The following MAGI2 variants were observed in gnomAD, a reference collection of about 807,000 sequenced individuals.
MAGI2 encodes membrane-associated guanylate kinase, WW and PDZ domain-containing protein 2.
In MAGI2, 35 loss-of-function variants were observed where a neutral mutation model predicts 133.3. That is an observed-to-expected ratio of 0.26 (90% CI 0.20 to 0.35). MAGI2 has a LOEUF of 0.35. Among genes scored for constraint, MAGI2 ranks in the 10% least tolerant of loss-of-function variants. The pLI, the probability that MAGI2 is intolerant of heterozygous loss-of-function variation, is 1.00. For missense variants in MAGI2, 1,636 were observed against 1,863.4 expected (o/e 0.88, Z 2.25); for synonymous variants, 729 against 710.6 (o/e 1.03, Z -0.41).
intron 1 of MAGI2, among the ~76,000 whole-genome samples, chr7:79,383,767 G>A (rs1250433883): frequency 1.3e-5 from 2 of 151,346 alleles, no homozygotes; most frequent in African/African-American, 2.4e-5. Flanking sequence ...TATTTTGTCA[G>A]ATAGCAAAAT....
chr7:78,751,477 C>A (rs555346989), intron 2 of MAGI2, among the ~76,000 whole-genome samples: 5 of 152,300 alleles, frequency 3.3e-5, no homozygotes, highest in African/African-American at 1.2e-4. Flanking sequence ...TTGGCCCTCT[C>A]AAGCTTCCAA....
intron 1 of MAGI2, among the ~76,000 whole-genome samples, chr7:79,216,799 T>G (rs1830066228): frequency 6.6e-6 from 1 of 152,102 alleles, no homozygotes; most frequent in Non-Finnish European, 1.5e-5. Context: ...GTTGTTGTCT[T>G]CAAATGCAAG....
chr7:78,072,361 C>T (rs1814802496), intron 21 of MAGI2, among the ~76,000 whole-genome samples: 2 of 152,166 alleles, frequency 1.3e-5, no homozygotes, highest in South Asian at 4.1e-4. Context: ...TCCTTTGAGA[C>T]CTTTTTATGA....
At chr7:79,306,654 AC>A (rs1274486849) in intron 1 of MAGI2, among the ~76,000 whole-genome samples, 1 of 152,042 alleles carries the variant, frequency 6.6e-6, no homozygotes, top group East Asian at 1.9e-4. Context: ...TGGATTTCAA[AC>A]TTTCAACAGT....
intron 1 of MAGI2, among the ~76,000 whole-genome samples, chr7:79,378,865 CCTT>C (rs1227235001): frequency 6.9e-6 from 1 of 145,680 alleles, no homozygotes; most frequent in Non-Finnish European, 1.5e-5. Flanking sequence ...CATTCTTTCT[CCTT>C]CTCAAAAATT....
intron 3 of MAGI2, among the ~76,000 whole-genome samples, chr7:78,599,613 C>T (rs1386680175): frequency 6.6e-6 from 1 of 152,214 alleles, no homozygotes; most frequent in Non-Finnish European, 1.5e-5. Flanking sequence ...TTTCACTCTA[C>T]TCTTCCACTG....
chr7:78,501,238 A>G (rs1794591881), intron 5 of MAGI2, among the ~76,000 whole-genome samples: 1 of 152,230 alleles, frequency 6.6e-6, no homozygotes, highest in South Asian at 2.1e-4. Context: ...TCATTTTGAC[A>G]AGACGGGGGT....
chr7:79,395,436 G>T (rs184465683), intron 1 of MAGI2, among the ~76,000 whole-genome samples: 4 of 152,268 alleles, frequency 2.6e-5, no homozygotes, highest in Admixed American at 2.6e-4. Context: ...ACATGGGAAA[G>T]TATCATCATC....
intron 3 of MAGI2, among the ~76,000 whole-genome samples, chr7:78,531,857 CA>C (rs1344738442): frequency 6.6e-6 from 1 of 152,124 alleles, no homozygotes; most frequent in South Asian, 2.1e-4. Flanking sequence ...ATACAATACC[CA>C]GGGAAATTTC....
At chr7:78,598,810 G>A (rs1347559526) in intron 3 of MAGI2, among the ~76,000 whole-genome samples, 1 of 152,166 alleles carries the variant, frequency 6.6e-6, no homozygotes, top group Non-Finnish European at 1.5e-5. Context: ...ATAAGTCAAA[G>A]TTAGTAAACA....
intron 3 of MAGI2, among the ~76,000 whole-genome samples, chr7:78,573,676 TG>T (rs1801970401): frequency 1.3e-5 from 2 of 151,670 alleles, no homozygotes; most frequent in African/African-American, 4.8e-5. Context: ...ATCCTTATTA[TG>T]CTTTTACATT....
At chr7:78,578,103 T>G (rs979454742) in intron 3 of MAGI2, among the ~76,000 whole-genome samples, 4 of 151,850 alleles carry the variant, frequency 2.6e-5, no homozygotes, top group Non-Finnish European at 4.4e-5. Context: ...TCACTTTAAG[T>G]AGGGAAAATT....
intron 6 of MAGI2, among the ~76,000 whole-genome samples, chr7:78,438,073 G>A (rs1787224245): frequency 6.6e-6 from 1 of 152,124 alleles, no homozygotes; most frequent in African/African-American, 2.4e-5. Flanking sequence ...TGGTGGCAGT[G>A]TACACATGGT....
At chr7:79,319,370 C>A (rs1170102215) in intron 1 of MAGI2, among the ~76,000 whole-genome samples, 1 of 152,118 alleles carries the variant, frequency 6.6e-6, no homozygotes, top group Non-Finnish European at 1.5e-5. Context: ...CTTTCAATAT[C>A]CAGTTTTACT....
intron 1 of MAGI2, among the ~76,000 whole-genome samples, chr7:79,208,279 A>T (rs927716646): frequency 6.6e-6 from 1 of 151,940 alleles, no homozygotes; most frequent in African/African-American, 2.4e-5. Flanking sequence ...TTTTCAAAAT[A>T]TACATCTGAT....
chr7:78,122,300 A>G (rs1183251615), intron 20 of MAGI2, among the ~76,000 whole-genome samples: 3 of 152,208 alleles, frequency 2.0e-5, no homozygotes, highest in Non-Finnish European at 2.9e-5. Context: ...CAATATATAA[A>G]CCAAGATGCT....
chr7:78,735,551 C>T (rs1585235863), intron 2 of MAGI2, among the ~76,000 whole-genome samples: 2 of 152,306 alleles, frequency 1.3e-5, no homozygotes, highest in African/African-American at 4.8e-5. Context: ...AGAAATAATG[C>T]TTCCAAATTA....
At chr7:78,867,780 C>T (rs1248945112) in intron 2 of MAGI2, among the ~76,000 whole-genome samples, 1 of 152,008 alleles carries the variant, frequency 6.6e-6, no homozygotes, top group East Asian at 1.9e-4. Flanking sequence ...CAACAATAGA[C>T]TGTAACATAA....
chr7:78,613,209 T>C (rs1806665281), intron 3 of MAGI2, among the ~76,000 whole-genome samples: 1 of 152,170 alleles, frequency 6.6e-6, no homozygotes. Flanking sequence ...CATGCCAAAC[T>C]ACACAATCTT....
Sources: gnomAD v4.1 joint callset for allele counts (sites outside exome capture counted in the v4.1 genomes callset) on GRCh38, gnomAD v4.1.1 for gene constraint, MANE v1.5 for transcripts, NCBI Gene and HGNC (gene_info 2026-07-23, HGNC 2026-07-21) for gene names.